Variants in PPIG observed in about 807,000 individuals in gnomAD.
PPIG encodes peptidyl-prolyl cis-trans isomerase G.
PPIG carries 26 observed loss-of-function variants against 87.9 expected under a neutral mutation model. The observed-to-expected ratio is 0.30, with a 90% CI of 0.22 to 0.41. The LOEUF is 0.41. PPIG is among the 10% of genes least tolerant of loss of function. PPIG has a pLI of 1.00. For missense variants in PPIG, 722 were observed against 879.4 expected, an observed-to-expected ratio of 0.82 and a Z score of 2.26; for synonymous variants, 308 against 276.5, an observed-to-expected ratio of 1.11 and a Z score of -1.13.
intron 1 of PPIG, among the ~76,000 whole-genome samples, chr2:169,587,484 C>T (rs890935324): frequency 2.0e-5 from 3 of 151,188 alleles, no homozygotes; most frequent in African/African-American, 7.3e-5. Flanking sequence ...TCATGATCTG[C>T]CCACCTTGGC....
Position 169,637,658 on chromosome 2 carries a change from G to T in PPIG, c.*135G>T. On this transcript the variant is annotated 3_prime_UTR_variant, in exon 14 of 14. Transcript: ENST00000260970. ...TGTTTGTCCTTTTTTTTCTTAATGTGGATTTCATTGAGTTGATTTTTTGAT... is the reference window on the plus strand; with the variant it reads ...TGTTTGTCCTTTTTTTTCTTAATGTTGATTTCATTGAGTTGATTTTTTGAT... The T allele has an allele frequency of 2.2e-6, 2 of 894,550 alleles. No homozygotes were observed. Among genetic ancestry groups the T allele is most frequent in the South Asian group, 2.3e-5 (1 of 44,390 alleles). The allele number at this position is 894,550 out of a possible 1,614,324, so 55.4% of individuals were successfully genotyped here.
rs1264232917 is a variant in PPIG, at chr2:169,637,782, A to G, written c.*259A>G. 1 of 291,966 alleles carries G rather than the reference A, an allele frequency of 3.4e-6. No individual in the cohort carries two copies. Among genetic ancestry groups the G allele is most frequent in the African/African-American group, 2.2e-5 (1 of 45,626 alleles). 18.1% of individuals were successfully genotyped at this position (291,966 alleles called of 1,614,324 possible). A position where few individuals can be genotyped will look rare whatever the true frequency, so the allele number is the denominator to read the frequency against. On this transcript the variant is annotated 3_prime_UTR_variant, in exon 14 of 14. Transcript: ENST00000260970. ...ACTGTGTGCTGTGTTTAACTATTTT[A>G]TGTATGCATTACTGTGTTGCAACAA...
chr2:169,613,903 A>G (rs574516197), intron 7 of PPIG, among the ~76,000 whole-genome samples: 1 of 152,334 alleles, frequency 6.6e-6, no homozygotes, highest in South Asian at 2.1e-4. Context: ...TGCAGCCTGG[A>G]CAACAGCATG....
chr2:169,610,876 T>C (rs1685468508), intron 7 of PPIG, among the ~76,000 whole-genome samples: 1 of 152,224 alleles, frequency 6.6e-6, no homozygotes, highest in Non-Finnish European at 1.5e-5. Flanking sequence ...TTCAACCAAT[T>C]GCACATAATG....
intron 9 of PPIG, among the ~76,000 whole-genome samples, chr2:169,615,035 G>A (rs953328176): frequency 6.6e-6 from 1 of 151,082 alleles, no homozygotes; most frequent in Non-Finnish European, 1.5e-5. Context: ...AGTGGTTTTG[G>A]GTTTTTTTTT....
intron 9 of PPIG, among the ~76,000 whole-genome samples, chr2:169,622,784 A>G (rs1005646324): frequency 2.0e-5 from 3 of 152,198 alleles, no homozygotes; most frequent in African/African-American, 4.8e-5. Flanking sequence ...AGATTTTGTC[A>G]TGCATCTTAC....
intron 1 of PPIG, among the ~76,000 whole-genome samples, chr2:169,585,270 C>CTTTTT (rs1553542345): frequency 8.4e-6 from 1 of 118,758 alleles, no homozygotes; most frequent in Non-Finnish European, 1.7e-5. Flanking sequence ...CTTGGTTAGT[C>CTTTTT]TTTTTTTTTG....
intron 9 of PPIG, among the ~76,000 whole-genome samples, chr2:169,620,109 C>T (rs556503769): frequency 1.3e-4 from 19 of 152,000 alleles, no homozygotes; most frequent in African/African-American, 4.1e-4. Context: ...CTTATTTTTG[C>T]TTTTTGTTGC....
chr2:169,585,011 G>A (rs1304034887), intron 1 of PPIG: 1 of 159,810 alleles, frequency 6.3e-6, no homozygotes, highest in Admixed American at 6.5e-5. Context: ...TTGAAGACTA[G>A]CTTTCCTCCT....
At chr2:169,626,404 A>G (rs531720614) in intron 9 of PPIG, among the ~76,000 whole-genome samples, 1 of 152,058 alleles carries the variant, frequency 6.6e-6, no homozygotes, top group East Asian at 1.9e-4. Context: ...TTTATTTTTT[A>G]TTTTTTTGGA....
chr2:169,624,221 C>A (rs963727568), intron 9 of PPIG, among the ~76,000 whole-genome samples: 1 of 152,126 alleles, frequency 6.6e-6, no homozygotes, highest in Non-Finnish European at 1.5e-5. Flanking sequence ...CTAACTTGAC[C>A]TACCAAAGTG....
rs765829189 is a variant in PPIG, at chr2:169,636,998, T to C, written c.1740T>C (p.His580=). The C allele has an allele frequency of 6.2e-6, 10 of 1,613,676 alleles. No homozygotes were observed. The highest frequency in any genetic ancestry group is 8.5e-6 in the Non-Finnish European group (10 of 1,179,916). ...GCAGAAGAGTGCGATCAAGAACCCA[T>C]GACAGAGATCGCAGCAGAAGCAAGG... ...DRSRRVRSRT[H]DRDRSRSKEY... The change falls in exon 14 of 14, where the codon CAT becomes CAC. Residue 580 remains histidine (H), a synonymous_variant. Coordinates refer to ENST00000260970, the MANE Select transcript of PPIG (RefSeq NM_004792.3).
chr2:169,615,013 A>G (rs1661103887), intron 9 of PPIG, among the ~76,000 whole-genome samples: 1 of 151,680 alleles, frequency 6.6e-6, no homozygotes, highest in Non-Finnish European at 1.5e-5. Context: ...TGAGAAGAAC[A>G]CTTAAAATCT....
intron 5 of PPIG, 148 bp from the exon 6 acceptor site, chr2:169,606,956 G>T: frequency 5.0e-6 from 3 of 599,874 alleles, no homozygotes; most frequent in Non-Finnish European, 8.8e-6. Flanking sequence ...TGTCGTTATT[G>T]ACATTAATAT....
chr2:169,593,166 T>C (rs901092422), intron 1 of PPIG, among the ~76,000 whole-genome samples: 1 of 151,838 alleles, frequency 6.6e-6, no homozygotes, highest in Non-Finnish European at 1.5e-5. Context: ...TTCTTTATAA[T>C]AGCAGTACAT....
At chr2:169,609,523 A>G (rs1435611253) in intron 7 of PPIG, among the ~76,000 whole-genome samples, 1 of 152,168 alleles carries the variant, frequency 6.6e-6, no homozygotes, top group African/African-American at 2.4e-5. Context: ...TGTTCTGCTA[A>G]TGTTTTGAAA....
chr2:169,625,391 GT>G (rs1452845252), intron 9 of PPIG, among the ~76,000 whole-genome samples: 8 of 152,326 alleles, frequency 5.3e-5, no homozygotes, highest in African/African-American at 1.7e-4. Flanking sequence ...GGAATTGCCA[GT>G]TTGCAGAGGT....
intron 9 of PPIG, among the ~76,000 whole-genome samples, chr2:169,620,608 T>C (rs1362898170): frequency 6.6e-6 from 1 of 152,126 alleles, no homozygotes; most frequent in African/African-American, 2.4e-5. Flanking sequence ...TAGGAAACTT[T>C]AAGGGAATAA....
rs750214343 is a variant in PPIG, at chr2:169,637,355, T to G, written c.2097T>G (p.Asn699Lys). 6.2e-7 allele frequency: 1 copy of G among 1,609,908 alleles called. No individual in the cohort carries two copies. Among genetic ancestry groups the G allele is most frequent in the Non-Finnish European group, 8.5e-7 (1 of 1,179,178 alleles). ...AAATAAAACAAAGCAGTCAGGACAATGAATTAAAGTCCTCCATGTTGAAAA... is the reference window on the plus strand; with the variant it reads ...AAATAAAACAAAGCAGTCAGGACAAGGAATTAAAGTCCTCCATGTTGAAAA... Reference protein sequence around the residue: ...FSKIKQSSQDNELKSSMLKNK... With the variant: ...FSKIKQSSQDKELKSSMLKNK... Residue 699 changes from asparagine (N) to lysine (K), a missense_variant, in exon 14 of 14, where the codon AAT (asparagine) becomes AAG (lysine). Coordinates refer to ENST00000260970, the MANE Select transcript of PPIG (RefSeq NM_004792.3).
Sources: gnomAD v4.1 joint callset for allele counts (sites outside exome capture counted in the v4.1 genomes callset) on GRCh38, gnomAD v4.1.1 for gene constraint, MANE v1.5 for transcripts, NCBI Gene and HGNC (gene_info 2026-07-23, HGNC 2026-07-21) for gene names.